Variants in MECOM observed in about 807,000 individuals in gnomAD.
MECOM encodes MDS1 and EVI1 complex locus.
MECOM carries 13 observed loss-of-function variants against 116.3 expected under a neutral mutation model. That is an observed-to-expected ratio of 0.11 (90% CI 0.07 to 0.18). MECOM has a LOEUF of 0.18. MECOM is among the 10% of genes least tolerant of loss of function. MECOM has a pLI of 1.00. For synonymous variants in MECOM, 528 were observed against 535.2 expected (o/e 0.99, Z 0.19); for missense variants, 1,299 against 1,509.0 (o/e 0.86, Z 2.31).
At chr3:169,371,673 CA>C (rs1379193273) in intron 2 of MECOM, among the ~76,000 whole-genome samples, 2 of 151,858 alleles carry the variant, frequency 1.3e-5, no homozygotes, top group Admixed American at 1.3e-4. Flanking sequence ...AATTATACCT[CA>C]ATAAAGCCAA....
chr3:169,235,895 C>T (rs1413813516), intron 2 of MECOM, among the ~76,000 whole-genome samples: 1 of 151,048 alleles, frequency 6.6e-6, no homozygotes, highest in Non-Finnish European at 1.5e-5. Context: ...GGGACAGACG[C>T]TCCTTGACTT....
intron 1 of MECOM, among the ~76,000 whole-genome samples, chr3:169,400,754 C>T (rs879871461): frequency 3.9e-5 from 6 of 152,162 alleles, no homozygotes; most frequent in Non-Finnish European, 8.8e-5. Context: ...CTGTGTTCTC[C>T]TAGTACCAGA....
At chr3:169,200,241 C>A (rs1577328195) in intron 2 of MECOM, among the ~76,000 whole-genome samples, 1 of 152,006 alleles carries the variant, frequency 6.6e-6, no homozygotes, top group South Asian at 2.1e-4. Flanking sequence ...TGACTAGGTT[C>A]GACTTTACAA....
intron 1 of MECOM, among the ~76,000 whole-genome samples, chr3:169,493,899 TGAAACAGAAGATG>T (rs1753473550): frequency 6.6e-6 from 1 of 150,574 alleles, no homozygotes; most frequent in Non-Finnish European, 1.5e-5. Context: ...GTACACACTT[TGAAACAGAAGATG>T]AGTGTGTTCA....
At chr3:169,578,027 G>A (rs1048211056) in intron 1 of MECOM, among the ~76,000 whole-genome samples, 2 of 151,440 alleles carry the variant, frequency 1.3e-5, no homozygotes, top group South Asian at 2.1e-4. Flanking sequence ...TTGATGCTTC[G>A]TACTAAGAAA....
At chr3:169,495,248 T>C (rs531968612) in intron 1 of MECOM, among the ~76,000 whole-genome samples, 1 of 152,338 alleles carries the variant, frequency 6.6e-6, no homozygotes, top group Admixed American at 6.5e-5. Flanking sequence ...ATAGCTTTGA[T>C]AAGCCTGGGT....
intron 1 of MECOM, among the ~76,000 whole-genome samples, chr3:169,653,202 A>G (rs972384441): frequency 2.6e-5 from 4 of 152,196 alleles, no homozygotes; most frequent in Non-Finnish European, 4.4e-5. Context: ...TTAACTGCAC[A>G]GGTTTTACAG....
chr3:169,332,084 G>A (rs375927675), intron 2 of MECOM, among the ~76,000 whole-genome samples: 6 of 150,918 alleles, frequency 4.0e-5, no homozygotes, highest in Middle Eastern at 3.5e-3. Flanking sequence ...GCAAATCAAA[G>A]GCAAACTAAA....
chr3:169,627,091 T>A (rs2109939520), intron 1 of MECOM, among the ~76,000 whole-genome samples: 1 of 152,314 alleles, frequency 6.6e-6, no homozygotes, highest in Non-Finnish European at 1.5e-5. Context: ...TTAAAACAAA[T>A]TACAGCAGTC....
chr3:169,477,174 A>G (rs1750629301), intron 1 of MECOM: 1 of 135,780 alleles, frequency 7.4e-6, no homozygotes, highest in African/African-American at 2.8e-5. Context: ...TTCATTTGCA[A>G]TAGGAAGTCT....
chr3:169,124,354 G>A lies in MECOM; in HGVS notation c.831-1627C>T, dbSNP rs145684475. 8.5e-3 allele frequency among the ~76,000 whole-genome samples: 1,287 copies of A among 152,152 alleles called. 21 individuals carry two copies. Among genetic ancestry groups the A allele is most frequent in the African/African-American group, 0.03 (1,240 of 41,552 alleles). ...GTAATAAGAGAAAGAAGGTGGTGGAGAGAGAGACAGACAGAGACAGAAAGA... is the reference window on the plus strand; with the variant it reads ...GTAATAAGAGAAAGAAGGTGGTGGAAAGAGAGACAGACAGAGACAGAAAGA... On this transcript the variant is annotated intron_variant, in intron 5 of 16. Transcript: ENST00000651503.
At chr3:169,370,722 A>G (rs1174758004) in intron 2 of MECOM, among the ~76,000 whole-genome samples, 1 of 152,018 alleles carries the variant, frequency 6.6e-6, no homozygotes, top group Non-Finnish European at 1.5e-5. Context: ...AATATGGGAA[A>G]AAGGACCTGA....
At position 169,115,758 on chromosome 3, in the gene MECOM, T is replaced by C; in HGVS notation, c.2114A>G (p.Gln705Arg). 1 of 1,614,160 alleles carries C rather than the reference T, an allele frequency of 6.2e-7. No homozygotes were observed. Among genetic ancestry groups the C allele is most frequent in the Non-Finnish European group, 8.5e-7 (1 of 1,180,014 alleles). Reference sequence around the variant, plus strand: ...TCTATCAGGAAATGGGTACATTGATTGAGAGAATGCTGGAAAAAATGGGAG... The same window carrying C: ...TCTATCAGGAAATGGGTACATTGATCGAGAGAATGCTGGAAAAAATGGGAG... Reference protein sequence around the residue: ...FPLPFFPAFSQSMYPFPDRDL... With the variant: ...FPLPFFPAFSRSMYPFPDRDL... The change falls in exon 8 of 17, where the codon CAA becomes CGA. Residue 705 changes from glutamine to arginine, a missense_variant. Around this residue, in one of 6 missense-constraint regions of MECOM, gnomAD observed 340 missense variants for 312.6 expected, o/e 1.09. Transcript: ENST00000651503.
chr3:169,111,095 CTTAG>C (rs1207833973), intron 9 of MECOM, among the ~76,000 whole-genome samples: 1 of 152,056 alleles, frequency 6.6e-6, no homozygotes, highest in Non-Finnish European at 1.5e-5. Context: ...GTAAATTTAC[CTTAG>C]TTAGCAAAAC....
chr3:169,438,031 C>T (rs566530097), intron 1 of MECOM, among the ~76,000 whole-genome samples: 16 of 152,126 alleles, frequency 1.1e-4, no homozygotes, highest in Admixed American at 1.0e-3. Flanking sequence ...CTCATAATAG[C>T]CCATGAGGTA....
chr3:169,100,420 C>T (rs1723197079), intron 12 of MECOM, among the ~76,000 whole-genome samples: 1 of 151,940 alleles, frequency 6.6e-6, no homozygotes, highest in Non-Finnish European at 1.5e-5. Flanking sequence ...CTTTAAACCT[C>T]CTATTGGAAT....
chr3:169,544,881 G>A (rs1297570412), intron 1 of MECOM, among the ~76,000 whole-genome samples: 3 of 152,168 alleles, frequency 2.0e-5, no homozygotes, highest in Non-Finnish European at 4.4e-5. Flanking sequence ...CAGGTGGTGG[G>A]CAAGGGGAGG....
intron 1 of MECOM, among the ~76,000 whole-genome samples, chr3:169,527,882 C>G (rs1367474477): frequency 6.6e-6 from 1 of 152,220 alleles, no homozygotes; most frequent in Non-Finnish European, 1.5e-5. Flanking sequence ...GATACGGGCT[C>G]TCTCTCTTCT....
chr3:169,369,697 T>C (rs1301998582), intron 2 of MECOM, among the ~76,000 whole-genome samples: 1 of 151,970 alleles, frequency 6.6e-6, no homozygotes, highest in Admixed American at 6.6e-5. Flanking sequence ...AATATTTCCT[T>C]GGGCACTAAT....
Sources: gnomAD v4.1 joint callset for allele counts (sites outside exome capture counted in the v4.1 genomes callset) on GRCh38, gnomAD v4.1.1 for gene constraint, gnomAD v4.1.1 regional missense constraint, MANE v1.5 for transcripts, NCBI Gene and HGNC (gene_info 2026-07-23, HGNC 2026-07-21) for gene names.